The following DUSP16 variants were observed in gnomAD, a reference collection of about 807,000 sequenced individuals.
DUSP16 encodes the protein dual specificity protein phosphatase 16.
DUSP16 carries 21 observed loss-of-function variants against 58.3 expected under a neutral mutation model. That is an observed-to-expected ratio of 0.36 (90% confidence interval 0.26 to 0.52). DUSP16 has a LOEUF of 0.52. DUSP16 is among the 20% of genes least tolerant of loss of function. The pLI, the probability that DUSP16 is intolerant of heterozygous loss-of-function variation, is 0.94. For synonymous variants in DUSP16, 320 were observed against 323.8 expected (o/e 0.99, Z 0.12); for missense variants, 726 against 819.0 (o/e 0.89, Z 1.39).
chr12:12,545,989 A>G (rs1340984166), intron 1 of DUSP16, among the ~76,000 whole-genome samples: 1 of 152,232 alleles, frequency 6.6e-6, no homozygotes, highest in Non-Finnish European at 1.5e-5. Flanking sequence ...CTGAATGGAA[A>G]AGAACTTGTT....
At position 12,518,877 on chromosome 12, in the gene DUSP16, A is replaced by T. The variant is rs532196654; in HGVS notation, c.367+985T>A. 1.7e-4 allele frequency among the ~76,000 whole-genome samples: 26 copies of T among 152,358 alleles called. No individual in the cohort carries two copies. The South Asian group carries it at 5.4e-3, about 32-fold the overall frequency. On this transcript the variant is annotated intron_variant, in intron 3 of 6. Transcript: ENST00000298573. ...AACTATCCTTGTTCTTAGAGAACTG[A>T]GGAAAAGCTTGTGAGAGAGAACTGG...
At chr12:12,545,634 T>C (rs955493694) in intron 1 of DUSP16, among the ~76,000 whole-genome samples, 7 of 152,174 alleles carry the variant, frequency 4.6e-5, no homozygotes, top group East Asian at 3.8e-4. Flanking sequence ...GTAAAATTAA[T>C]GCTTTTTGGT....
chr12:12,540,669 G>A (rs1325033764), intron 1 of DUSP16, among the ~76,000 whole-genome samples: 1 of 152,212 alleles, frequency 6.6e-6, no homozygotes, highest in Non-Finnish European at 1.5e-5. Flanking sequence ...AGGAGGAGGT[G>A]AGGAGGTGGT....
chr12:12,530,617 C>A (rs547496135), intron 1 of DUSP16, among the ~76,000 whole-genome samples: 1 of 152,068 alleles, frequency 6.6e-6, no homozygotes, highest in Non-Finnish European at 1.5e-5. Context: ...AAATTTAGTA[C>A]AATTTCTTCC....
chr12:12,559,886 T>C (rs1273530863), intron 1 of DUSP16, among the ~76,000 whole-genome samples: 1 of 152,002 alleles, frequency 6.6e-6, no homozygotes, highest in African/African-American at 2.4e-5. Context: ...TCACTTCCAC[T>C]CTCAACTGTC....
intron 3 of DUSP16, among the ~76,000 whole-genome samples, chr12:12,516,225 G>A (rs533009189): frequency 6.7e-6 from 1 of 149,730 alleles, no homozygotes; most frequent in African/African-American, 2.5e-5. Flanking sequence ...CTGTAACCTC[G>A]AACTCCTGGG....
chr12:12,539,479 G>C (rs532135324), intron 1 of DUSP16, among the ~76,000 whole-genome samples: 20 of 152,014 alleles, frequency 1.3e-4, no homozygotes, highest in Non-Finnish European at 2.6e-4. Context: ...GATGTGTCAA[G>C]GAAAGATTGT....
At position 12,540,598 on chromosome 12, in the gene DUSP16, G is replaced by A. The variant is rs564264847; in HGVS notation, c.-365-19135C>T. On this transcript the variant is annotated intron_variant, in intron 1 of 6. Transcript: ENST00000298573. ...TTTCATAAGATATCTATAAGGCTCC[G>A]TGAGATCACATAGCAAGAGTGGGAG... 3.2e-4 allele frequency among the ~76,000 whole-genome samples: 49 copies of A among 152,290 alleles called. 1 individual carries two copies. In the South Asian group the frequency reaches 8.1e-3, roughly 25 times the overall value.
chr12:12,488,951 T>C (rs1299118860), intron 4 of DUSP16, among the ~76,000 whole-genome samples: 1 of 152,040 alleles, frequency 6.6e-6, no homozygotes, highest in African/African-American at 2.4e-5. Context: ...TGGTGGCACA[T>C]GTCTGTAATC....
At chr12:12,531,365 C>T (rs1478613524) in intron 1 of DUSP16, among the ~76,000 whole-genome samples, 1 of 152,152 alleles carries the variant, frequency 6.6e-6, no homozygotes, top group African/African-American at 2.4e-5. Flanking sequence ...TGCTGAACTA[C>T]ATTCTCCTGA....
intron 3 of DUSP16, among the ~76,000 whole-genome samples, chr12:12,517,076 C>CT (rs1944164640): frequency 6.6e-6 from 1 of 152,196 alleles, no homozygotes; most frequent in Non-Finnish European, 1.5e-5. Flanking sequence ...CTTGGGAGTC[C>CT]TCTTGTTCTC....
intron 3 of DUSP16, among the ~76,000 whole-genome samples, chr12:12,505,936 G>A (rs193011388): frequency 6.6e-6 from 1 of 152,258 alleles, no homozygotes; most frequent in Admixed American, 6.5e-5. Flanking sequence ...TTCATTTAGT[G>A]CTCAGTTTGG....
intron 1 of DUSP16, among the ~76,000 whole-genome samples, chr12:12,556,640 T>C (rs1041575756): frequency 1.3e-5 from 2 of 152,010 alleles, no homozygotes; most frequent in Non-Finnish European, 2.9e-5. Context: ...TAAAGAATGC[T>C]TCAGAAGAAC....
chr12:12,475,105 G>GAAAC lies in DUSP16; in HGVS notation c.*1724_*1727dup, dbSNP rs1943399519. The GAAAC allele has an allele frequency of 6.6e-6, 1 of 152,118 alleles. No homozygotes were observed. Among genetic ancestry groups the GAAAC allele is most frequent in the African/African-American group, 2.4e-5 (1 of 41,398 alleles). 9.4% of individuals were successfully genotyped at this position (152,118 alleles called of 1,614,324 possible). A position where few individuals can be genotyped will look rare whatever the true frequency, so the allele number is the denominator to read the frequency against. On this transcript the variant is annotated 3_prime_UTR_variant, in exon 7 of 7. Transcript: ENST00000298573. ...GTGCTGGTTTTAGAAGTCACCATAG[G>GAAAC]AAACATGAAGTCACATCCTGGTCAA...
Position 12,562,584 on chromosome 12 carries a change from G to A in DUSP16, c.-833C>T, listed in dbSNP as rs1439071312. Reference sequence around the variant, plus strand: ...GGCGGGGGGGTGGGGTGGGGGGTTGGGGGAAAGAGAAAGAGTCGCTGGTCA... The same window carrying A: ...GGCGGGGGGGTGGGGTGGGGGGTTGAGGGAAAGAGAAAGAGTCGCTGGTCA... On this transcript the variant is annotated 5_prime_UTR_variant, in exon 1 of 7. Transcript: ENST00000298573. Among the ~76,000 whole-genome samples, 1 of 151,496 alleles carries A rather than the reference G, an allele frequency of 6.6e-6. No individual in the cohort carries two copies. Among genetic ancestry groups the A allele is most frequent in the Non-Finnish European group, 1.5e-5 (1 of 67,786 alleles).
chr12:12,541,972 A>T (rs1944566067), intron 1 of DUSP16, among the ~76,000 whole-genome samples: 1 of 152,232 alleles, frequency 6.6e-6, no homozygotes, highest in Non-Finnish European at 1.5e-5. Flanking sequence ...TAGCCATGAA[A>T]AGGAATTAAT....
intron 1 of DUSP16, among the ~76,000 whole-genome samples, chr12:12,559,480 A>G (rs1944862094): frequency 6.6e-6 from 1 of 152,220 alleles, no homozygotes; most frequent in Non-Finnish European, 1.5e-5. Flanking sequence ...AAATTAAAGT[A>G]CCTTTTGCTT....
At chr12:12,525,627 C>T (rs1944295035) in intron 1 of DUSP16, among the ~76,000 whole-genome samples, 1 of 151,908 alleles carries the variant, frequency 6.6e-6, no homozygotes, top group Admixed American at 6.5e-5. Flanking sequence ...AATCCAAGCA[C>T]TTTGGAAGGC....
intron 3 of DUSP16, among the ~76,000 whole-genome samples, chr12:12,517,831 C>A (rs1040172136): frequency 6.6e-6 from 1 of 152,186 alleles, no homozygotes; most frequent in Non-Finnish European, 1.5e-5. Flanking sequence ...CATGGACTTG[C>A]CGTTAGGCCT....
Sources: allele counts gnomAD v4.1 joint callset (sites outside exome capture counted in the v4.1 genomes callset), GRCh38; gene constraint gnomAD v4.1.1; transcripts MANE v1.5; gene names NCBI Gene and HGNC (gene_info 2026-07-23, HGNC 2026-07-21).